Variants in NRXN1 observed in about 807,000 individuals in gnomAD.
NRXN1 encodes the protein neurexin-1.
Under a neutral mutation model 150.9 loss-of-function variants are expected in NRXN1, and 39 were observed. That is an observed-to-expected ratio of 0.26 (90% CI 0.20 to 0.34). The LOEUF is 0.34. Among genes scored for constraint, NRXN1 ranks in the 10% least tolerant of loss-of-function variants. The pLI is 1.00. For missense variants in NRXN1, 1,815 were observed against 1,949.9 expected, an observed-to-expected ratio of 0.93 and a Z score of 1.30; for synonymous variants, 924 against 757.0, an observed-to-expected ratio of 1.22 and a Z score of -3.62.
chr2:50,854,705 GACA>G (rs1427803341), intron 5 of NRXN1, among the ~76,000 whole-genome samples: 1 of 152,008 alleles, frequency 6.6e-6, no homozygotes, highest in Non-Finnish European at 1.5e-5. Context: ...CATTCTTTCT[GACA>G]ACGTTAAGCG....
intron 17 of NRXN1, among the ~76,000 whole-genome samples, chr2:50,287,382 A>G (rs2072330922): frequency 6.6e-6 from 1 of 152,148 alleles, no homozygotes; most frequent in Non-Finnish European, 1.5e-5. Flanking sequence ...AGGTAACCAC[A>G]AATGGATAGG....
chr2:50,880,177 C>T (rs1248418119), intron 5 of NRXN1, among the ~76,000 whole-genome samples: 1 of 151,768 alleles, frequency 6.6e-6, no homozygotes, highest in Non-Finnish European at 1.5e-5. Context: ...GTGAAGTTAT[C>T]CCCAAGAGAA....
At chr2:50,978,077 A>G (rs1446815834) in intron 2 of NRXN1, among the ~76,000 whole-genome samples, 2 of 151,276 alleles carry the variant, frequency 1.3e-5, no homozygotes, top group Non-Finnish European at 3.0e-5. Flanking sequence ...CCCTACTGAT[A>G]CTACAGTGAT....
intron 17 of NRXN1, among the ~76,000 whole-genome samples, chr2:50,351,424 G>C (rs571984274): frequency 5.6e-4 from 85 of 152,246 alleles, no homozygotes; most frequent in Non-Finnish European, 1.0e-3. Flanking sequence ...GTGCTCATTA[G>C]TTATAATATC....
chr2:50,025,945 C>G (rs925923929), intron 21 of NRXN1, among the ~76,000 whole-genome samples: 1 of 152,100 alleles, frequency 6.6e-6, no homozygotes, highest in Non-Finnish European at 1.5e-5. Context: ...CAGGCCAGTC[C>G]CAACTGGGAA....
intron 19 of NRXN1, among the ~76,000 whole-genome samples, chr2:50,075,455 C>G (rs1387459701): frequency 1.3e-5 from 2 of 152,118 alleles, no homozygotes; most frequent in African/African-American, 4.8e-5. Context: ...AATGCCTCAA[C>G]AGGAATAAAC....
chr2:50,706,854 T>C (rs536090400), intron 5 of NRXN1, among the ~76,000 whole-genome samples: 2 of 151,990 alleles, frequency 1.3e-5, no homozygotes, highest in Admixed American at 6.6e-5. Flanking sequence ...ATCTGAAACA[T>C]TTCCCATTTC....
chr2:50,962,675 T>C (rs897810236), intron 2 of NRXN1, among the ~76,000 whole-genome samples: 1 of 151,660 alleles, frequency 6.6e-6, no homozygotes, highest in African/African-American at 2.4e-5. Context: ...TCTGAAGTTA[T>C]GATTTTGCTA....
chr2:50,598,861 G>C (rs1393716971), intron 8 of NRXN1, among the ~76,000 whole-genome samples: 1 of 151,606 alleles, frequency 6.6e-6, no homozygotes. Context: ...AGGTTCAAGT[G>C]ATTCTCCTGC....
chr2:50,278,927 T>C (rs2071035056), intron 17 of NRXN1, among the ~76,000 whole-genome samples: 1 of 152,196 alleles, frequency 6.6e-6, no homozygotes, highest in Non-Finnish European at 1.5e-5. Flanking sequence ...AAGCACCTCT[T>C]AAAATATTAA....
At chr2:50,506,700 A>C in intron 12 of NRXN1, 83 bp from the exon 13 acceptor site, 1 of 1,382,770 alleles carries the variant, frequency 7.2e-7, no homozygotes, top group Non-Finnish European at 1.0e-6. Context: ...AGAAAGAGAC[A>C]AGGGGGGAAG....
intron 21 of NRXN1, among the ~76,000 whole-genome samples, chr2:49,980,264 A>C (rs1206342552): frequency 6.6e-6 from 1 of 152,168 alleles, no homozygotes; most frequent in African/African-American, 2.4e-5. Flanking sequence ...GGGCCCTTCC[A>C]TGGAGACTGA....
At chr2:49,939,040 A>T (rs995992149) in intron 22 of NRXN1, among the ~76,000 whole-genome samples, 1 of 152,216 alleles carries the variant, frequency 6.6e-6, no homozygotes, top group Non-Finnish European at 1.5e-5. Context: ...ATTTGTGTGA[A>T]AAACAAAGTC....
In NRXN1 at chr2:50,973,447, C is replaced by T. The variant is rs554244473; in HGVS notation, c.773-47492G>A. 2.3e-4 allele frequency among the ~76,000 whole-genome samples: 35 copies of T among 152,242 alleles called. No homozygotes were observed. In the South Asian group the frequency reaches 7.1e-3, roughly 31 times the overall value. On this transcript the variant is annotated intron_variant, in intron 2 of 22. Coordinates refer to ENST00000401669, the MANE Select transcript of NRXN1 (RefSeq NM_001330078.2). ...CTTAAAGATATCTCAGATTAATCCTCTATTTCTGCAACAGGAAAGGAATGC... is the reference window on the plus strand; with the variant it reads ...CTTAAAGATATCTCAGATTAATCCTTTATTTCTGCAACAGGAAAGGAATGC...
rs2104381729 is a variant in NRXN1 at position 49,943,746 on chromosome 2, C to G, written c.4174G>C (p.Asp1392His). 6.2e-7 allele frequency: 1 copy of G among 1,612,500 alleles called. No homozygotes were observed. The highest frequency in any genetic ancestry group is 8.5e-7 in the Non-Finnish European group (1 of 1,179,332). Residue 1392 changes from aspartate to histidine, a missense_variant, in exon 22 of 23, where the codon GAT becomes CAT. Physicochemically the swap from Asp to His is moderately conservative, Grantham distance 81. Transcript: ENST00000401669. ...LVASAECPSDDEDIDPCEPSS... is the reference protein window; with the variant it reads ...LVASAECPSDHEDIDPCEPSS... ...GGCTCACAGGGGTCAATGTCCTCAT[C>G]ATCGCTGGGACACTCTGCTGAGGCC...
chr2:50,445,094 T>C (rs992921061), intron 17 of NRXN1, among the ~76,000 whole-genome samples: 7 of 152,146 alleles, frequency 4.6e-5, no homozygotes, highest in African/African-American at 1.4e-4. Flanking sequence ...GCATTCCACA[T>C]TTTACCCCAC....
intron 5 of NRXN1, among the ~76,000 whole-genome samples, chr2:50,623,882 C>T (rs1680509588): frequency 6.6e-6 from 1 of 152,042 alleles, no homozygotes. Context: ...GTGTGCTGCA[C>T]CCATTAACTC....
At chr2:50,869,030 T>C (rs185946261) in intron 5 of NRXN1, among the ~76,000 whole-genome samples, 2 of 151,980 alleles carry the variant, frequency 1.3e-5, no homozygotes, top group African/African-American at 4.8e-5. Flanking sequence ...AGTATAGAAA[T>C]GCCTTCATGT....
chr2:50,476,597 C>A (rs2090009003), intron 15 of NRXN1, among the ~76,000 whole-genome samples: 1 of 151,912 alleles, frequency 6.6e-6, no homozygotes, highest in Non-Finnish European at 1.5e-5. Context: ...CTATGATGTA[C>A]CTCAATCTAT....
Sources: allele counts gnomAD v4.1 joint callset (sites outside exome capture counted in the v4.1 genomes callset), GRCh38; gene constraint gnomAD v4.1.1; transcripts MANE v1.5; gene names NCBI Gene and HGNC (gene_info 2026-07-23, HGNC 2026-07-21).